Variants in PDE6A observed in about 807,000 individuals in gnomAD.
PDE6A encodes the protein phosphodiesterase 6A, also known as rod cGMP-specific 3',5'-cyclic phosphodiesterase subunit alpha.
A neutral mutation model predicts 106.3 loss-of-function variants in PDE6A; 84 were observed. The observed-to-expected ratio is 0.79, with a 90% CI of 0.66 to 0.95. The LOEUF is 0.95. Among genes scored for constraint, PDE6A ranks in the 40% least tolerant of loss-of-function variants. PDE6A has a pLI of 0.00. For synonymous variants in PDE6A, 394 were observed against 386.6 expected (o/e 1.02, Z -0.23); for missense variants, 1,052 against 1,084.9 (o/e 0.97, Z 0.43).
rs953668622 is a variant in PDE6A, at chr5:149,864,434, G to C, written c.2359-1168C>G. ...TTTTTTTGGATTTAGTAGAGATGGG[G>C]TTTCACCATTTTGGTCAGGCTGGTC... is the stretch of plus-strand genomic sequence containing the variant. On this transcript the variant is annotated intron_variant, in intron 20 of 21. Transcript: ENST00000255266. Among the ~76,000 whole-genome samples, 5 of 151,904 alleles carry C rather than the reference G, an allele frequency of 3.3e-5. 1 individual carries two copies. The highest frequency in any genetic ancestry group is 2.0e-4 in the Admixed American group (3 of 15,272).
intron 1 of PDE6A, among the ~76,000 whole-genome samples, chr5:149,936,848 G>A (rs966775284): frequency 2.0e-5 from 3 of 152,164 alleles, no homozygotes; most frequent in Non-Finnish European, 4.4e-5. Flanking sequence ...CTGAGCTAGG[G>A]AAAGACCAAA....
chr5:149,915,729 G>A (rs1581197465), intron 5 of PDE6A, among the ~76,000 whole-genome samples: 1 of 152,194 alleles, frequency 6.6e-6, no homozygotes, highest in Non-Finnish European at 1.5e-5. Flanking sequence ...AGAGAGTTGA[G>A]AAGCCAGGGG....
chr5:149,911,264 G>A (rs901075073), intron 6 of PDE6A, among the ~76,000 whole-genome samples: 7 of 152,104 alleles, frequency 4.6e-5, no homozygotes, highest in African/African-American at 1.7e-4. Context: ...GAAATAGCTT[G>A]ATGTTTACTT....
intron 4 of PDE6A, among the ~76,000 whole-genome samples, chr5:149,924,026 A>G (rs1753808232): frequency 6.6e-6 from 1 of 152,210 alleles, no homozygotes; most frequent in Admixed American, 6.5e-5. Context: ...GACTACCAAC[A>G]ACAGGAAGAA....
chr5:149,868,195 A>C, intron 17 of PDE6A, 37 bp from the exon 18 acceptor site: 1 of 1,586,236 alleles, frequency 6.3e-7, no homozygotes. Context: ...GTCCAGGGCC[A>C]TTTAAGACTT....
At chr5:149,861,939 C>T (rs1231669173) in intron 21 of PDE6A, among the ~76,000 whole-genome samples, 3 of 152,164 alleles carry the variant, frequency 2.0e-5, no homozygotes, top group Admixed American at 2.0e-4. Context: ...ATCAAAATAG[C>T]TATACACATC....
intron 13 of PDE6A, among the ~76,000 whole-genome samples, chr5:149,893,323 C>T (rs1021552852): frequency 6.6e-6 from 1 of 151,730 alleles, no homozygotes; most frequent in Admixed American, 6.5e-5. Context: ...TGGAAGTATA[C>T]ACCTGTTGGA....
intron 1 of PDE6A, 117 bp from the exon 2 acceptor site, chr5:149,934,835 G>T: frequency 1.0e-6 from 1 of 957,084 alleles, no homozygotes; most frequent in Non-Finnish European, 1.7e-6. Context: ...TCTTCAACAG[G>T]GGCAGGGAAA....
Position 149,889,081 on chromosome 5 carries a change from C to CAAAAAAAAAAAAAAAAAAAAA in PDE6A, c.1729-2708_1729-2707insTTTTTTTTTTTTTTTTTTTTT, listed in dbSNP as rs568428704. 9.4e-4 allele frequency among the ~76,000 whole-genome samples: 58 copies of CAAAAAAAAAAAAAAAAAAAAA among 61,490 alleles called. 2 individuals carry two copies. Among genetic ancestry groups the CAAAAAAAAAAAAAAAAAAAAA allele is most frequent in the African/African-American group, 2.3e-3 (32 of 14,024 alleles). 40.3% of individuals were successfully genotyped at this position (61,490 alleles called of 152,430 possible). On this transcript the variant is annotated intron_variant, in intron 13 of 21. Transcript: ENST00000255266. ...TGGGCGACAGAGTGAGACTCTGTCT[C>CAAAAAAAAAAAAAAAAAAAAA]AAAAAAAAAAAAAAAAAGATCAGAA...
chr5:149,931,927 T>A, intron 3 of PDE6A: 1 of 922,234 alleles, frequency 1.1e-6, no homozygotes, highest in Non-Finnish European at 1.7e-6. Context: ...TGGCGTACAA[T>A]GAAGAGACAG....
intron 13 of PDE6A, among the ~76,000 whole-genome samples, chr5:149,888,428 CAT>C (rs1752398814): frequency 6.7e-6 from 1 of 149,066 alleles, no homozygotes; most frequent in South Asian, 2.1e-4. Flanking sequence ...GATATATTAA[CAT>C]ATATTAATAT....
Position 149,884,577 on chromosome 5 carries a change from G to C in PDE6A, c.1929C>G (p.Ser643Arg). ...EFGKTLLRDE[S>R]LNIFQNLNRR... is the part of the protein sequence containing the mutation. ...GATTGAGGTTTTGAAAGATATTCAG[G>C]CTCTAAAGAAAAAAAGAGAAGCGAG... is the stretch of plus-strand genomic sequence containing the variant. Residue 643 changes from serine to arginine, a missense_variant and splice_region_variant, in exon 16 of 22, where the codon AGC (serine) becomes AGG (arginine). By Grantham distance (110) the Ser-to-Arg change is moderately radical. This residue lies in a region of PDE6A where 913 missense variants were observed against 915.2 expected (regional missense o/e 1.00). Transcript: ENST00000255266. 1.2e-6 allele frequency: 2 copies of C among 1,612,224 alleles called. No individual in the cohort carries two copies. Among genetic ancestry groups the C allele is most frequent in the Non-Finnish European group, 1.7e-6 (2 of 1,178,388 alleles).
intron 4 of PDE6A, among the ~76,000 whole-genome samples, chr5:149,929,622 A>AAATT (rs1486497238): frequency 6.6e-6 from 1 of 151,252 alleles, no homozygotes; most frequent in Non-Finnish European, 1.5e-5. Flanking sequence ...ATAAATAAAT[A>AAATT]AATAAATAAA....
In PDE6A at chr5:149,934,730, C is replaced by T; in HGVS notation, c.475-12G>A. On this transcript the variant is annotated splice_polypyrimidine_tract_variant and intron_variant, in intron 1 of 21. Transcript: ENST00000255266. ...CAGAAATGCTCATCCTAAAGGAAGG[C>T]AGAGATAAGCACGGACAGGCAAATG... 6.2e-7 allele frequency: 1 copy of T among 1,613,340 alleles called. No individual in the cohort carries two copies. Among genetic ancestry groups the T allele is most frequent in the Non-Finnish European group, 8.5e-7 (1 of 1,179,982 alleles).
At chr5:149,861,374 G>A (rs574427535) in intron 21 of PDE6A, among the ~76,000 whole-genome samples, 14 of 152,364 alleles carry the variant, frequency 9.2e-5, no homozygotes, top group African/African-American at 3.4e-4. Context: ...GCTGGGCCAG[G>A]CACAGGGCTC....
intron 17 of PDE6A, among the ~76,000 whole-genome samples, chr5:149,874,819 A>C (rs1010597477): frequency 1.8e-4 from 27 of 152,154 alleles, no homozygotes; most frequent in Admixed American, 6.5e-4. Flanking sequence ...GGAACCAGGA[A>C]CGAAGACCAA....
At chr5:149,882,449 A>G (rs563838069) in intron 17 of PDE6A, among the ~76,000 whole-genome samples, 4 of 152,122 alleles carry the variant, frequency 2.6e-5, no homozygotes, top group African/African-American at 9.7e-5. Flanking sequence ...AATGCCCAGG[A>G]CCCATCACAG....
chr5:149,897,041 C>T (rs1398758720), intron 10 of PDE6A, among the ~76,000 whole-genome samples: 1 of 152,210 alleles, frequency 6.6e-6, no homozygotes, highest in Non-Finnish European at 1.5e-5. Flanking sequence ...GGATAATAAA[C>T]ATACTTAACT....
At chr5:149,930,882 G>A (rs1011107522) in intron 4 of PDE6A, 146 bp downstream of exon 4, 1 of 789,792 alleles carries the variant, frequency 1.3e-6, no homozygotes, top group African/African-American at 1.7e-5. Context: ...ATACTCCTCA[G>A]TAGAGACCTA....
Sources: gnomAD v4.1 joint callset for allele counts (sites outside exome capture counted in the v4.1 genomes callset) on GRCh38, gnomAD v4.1.1 for gene constraint, gnomAD v4.1.1 regional missense constraint, MANE v1.5 for transcripts, NCBI Gene and HGNC (gene_info 2026-07-23, HGNC 2026-07-21) for gene names.